The following IGF2BP1 variants were observed in gnomAD, a reference collection of about 807,000 sequenced individuals.
IGF2BP1 encodes insulin like growth factor 2 mRNA binding protein 1.
In IGF2BP1, 11 loss-of-function variants were observed where a neutral mutation model predicts 74.9. The ratio of observed to expected loss-of-function variants is 0.15; its 90% confidence interval spans 0.09 to 0.24. The LOEUF (loss-of-function observed/expected upper bound fraction) is 0.24, where lower values mean the gene tolerates loss of function less well. Ranked by LOEUF, IGF2BP1 falls within the 10% of genes least tolerant of loss-of-function variation. The pLI is 1.00. For missense variants in IGF2BP1, 440 were observed against 757.4 expected, an observed-to-expected ratio of 0.58 and a Z score of 4.92; for synonymous variants, 287 against 281.8, an observed-to-expected ratio of 1.02 and a Z score of -0.18.
chr17:49,003,842 T>C (rs996758461), intron 2 of IGF2BP1, among the ~76,000 whole-genome samples: 1 of 151,514 alleles, frequency 6.6e-6, no homozygotes, highest in African/African-American at 2.4e-5. Context: ...CCGCTTCCCT[T>C]TTAAAGGGGA....
intron 2 of IGF2BP1, among the ~76,000 whole-genome samples, chr17:49,011,166 A>C (rs2041615358): frequency 8.1e-6 from 1 of 123,556 alleles, no homozygotes; most frequent in South Asian, 2.5e-4. Context: ...AAAAAAAAAA[A>C]ACAAACCCTA....
Position 49,055,157 on chromosome 17 carries a change from CA to C in IGF2BP1, c.*5724del, listed in dbSNP as rs374008080. On this transcript the variant is annotated 3_prime_UTR_variant, in exon 15 of 15. Transcript: ENST00000290341. ...AAAATAAAATTAAAAAAAAAAAAAC[CA>C]AAAAAAAAAATTTTTTTTTAAAAGG... is the stretch of plus-strand genomic sequence containing the variant. The C allele has an allele frequency of 0.011, 1,588 of 146,236 alleles. 15 individuals carry two copies. The highest frequency in any genetic ancestry group is 0.014 in the Non-Finnish European group (912 of 66,390). The allele number at this position is 146,236 out of a possible 1,614,324, so 9.1% of individuals were successfully genotyped here.
chr17:49,016,163 C>T (rs920887604), intron 2 of IGF2BP1, among the ~76,000 whole-genome samples: 1 of 152,236 alleles, frequency 6.6e-6, no homozygotes, highest in Non-Finnish European at 1.5e-5. Context: ...TAACACTTGT[C>T]TTCAGAAAGA....
At chr17:49,022,211 C>G (rs898625159) in intron 2 of IGF2BP1, among the ~76,000 whole-genome samples, 3 of 152,164 alleles carry the variant, frequency 2.0e-5, no homozygotes, top group Admixed American at 6.5e-5. Context: ...TGCCCCAGCT[C>G]AGCCTACACC....
intron 10 of IGF2BP1, 45 bp from the exon 11 acceptor site, chr17:49,043,922 C>G: frequency 6.2e-7 from 1 of 1,605,504 alleles, no homozygotes; most frequent in South Asian, 1.1e-5. Flanking sequence ...GTTTCTGGGC[C>G]ATGCTACTTG....
intron 4 of IGF2BP1, among the ~76,000 whole-genome samples, chr17:49,028,038 C>T (rs2041879435): frequency 6.6e-6 from 1 of 151,862 alleles, no homozygotes; most frequent in African/African-American, 2.4e-5. Flanking sequence ...TGGTACATGC[C>T]TGCAGTCCCA....
chr17:49,041,538 G>A (rs771188077), intron 8 of IGF2BP1, 38 bp downstream of exon 8: 24 of 1,612,662 alleles, frequency 1.5e-5, no homozygotes, highest in Non-Finnish European at 2.0e-5. Context: ...ATGAGTGGGG[G>A]ATGCATGGGG....
rs2042183910 is a variant in IGF2BP1 at position 49,052,929 on chromosome 17, C to G, written c.*3485C>G. On this transcript the variant is annotated 3_prime_UTR_variant, in exon 15 of 15. Coordinates refer to ENST00000290341, the MANE Select transcript of IGF2BP1 (RefSeq NM_006546.4). ...AACACATAACCAAAATGGTTTGATT[C>G]ACTGACTGACTTTGAAGCTGCATCT... 6.6e-6 allele frequency: 1 copy of G among 152,212 alleles called. No individual in the cohort carries two copies. Among genetic ancestry groups the G allele is most frequent in the Non-Finnish European group, 1.5e-5 (1 of 68,026 alleles). 9.4% of individuals were successfully genotyped at this position (152,212 alleles called of 1,614,324 possible). A position where few individuals can be genotyped will look rare whatever the true frequency, so the allele number is the denominator to read the frequency against.
At chr17:49,046,846 T>C (rs1304747100) in intron 14 of IGF2BP1, among the ~76,000 whole-genome samples, 1 of 152,112 alleles carries the variant, frequency 6.6e-6, no homozygotes, top group African/African-American at 2.4e-5. Flanking sequence ...TGGTTTCTGC[T>C]CTTCCACCCT....
In IGF2BP1 at chr17:48,997,998, C is replaced by G; in HGVS notation, c.175+78C>G. The G allele has an allele frequency of 6.7e-7, 1 of 1,495,730 alleles. No homozygotes were observed. The highest frequency in any genetic ancestry group is 2.3e-5 in the East Asian group (1 of 43,432). 92.7% of individuals were successfully genotyped at this position (1,495,730 alleles called of 1,614,324 possible). ...GAGACCCGCACCTTCCGGTTCCTCT[C>G]CCGCCAACTCCTCTCTTCCCGGGCC... On this transcript the variant is annotated intron_variant, in intron 1 of 14. Coordinates refer to ENST00000290341, the MANE Select transcript of IGF2BP1 (RefSeq NM_006546.4). This position sits in a 1 kb window ranked among gnomAD's most constrained non-coding sequence, Gnocchi z 4.8.
At chr17:49,030,500 T>G (rs1227935678) in intron 4 of IGF2BP1, among the ~76,000 whole-genome samples, 1 of 152,208 alleles carries the variant, frequency 6.6e-6, no homozygotes, top group Non-Finnish European at 1.5e-5. Flanking sequence ...TACATAGGCC[T>G]CTAGAATGGA....
intron 2 of IGF2BP1, among the ~76,000 whole-genome samples, chr17:49,008,692 G>A (rs2041580186): frequency 6.6e-6 from 1 of 152,134 alleles, no homozygotes; most frequent in Non-Finnish European, 1.5e-5. Flanking sequence ...AAGCCCCATG[G>A]TTAGCAACTG....
intron 5 of IGF2BP1, among the ~76,000 whole-genome samples, chr17:49,035,468 T>G (rs1440457401): frequency 6.6e-6 from 1 of 152,254 alleles, no homozygotes; most frequent in Non-Finnish European, 1.5e-5. Context: ...CCTAATTCAG[T>G]TATCTTTGCC....
In IGF2BP1 at chr17:49,055,424, G is replaced by T. The variant is rs1285587401; in HGVS notation, c.*5980G>T. On this transcript the variant is annotated 3_prime_UTR_variant, in exon 15 of 15. Transcript: ENST00000290341. ...CTCCCCTCCCAGCCAGCTGACTTCA[G>T]TCACCCCTGTCCCCCCTCCCCTGCC... 5.3e-6 allele frequency: 2 copies of T among 375,134 alleles called. No homozygotes were observed. The highest frequency in any genetic ancestry group is 4.2e-5 in the African/African-American group (2 of 47,934). The allele number at this position is 375,134 out of a possible 1,614,324, so 23.2% of individuals were successfully genotyped here.
At chr17:49,045,658 TACTCATA>T (rs2042101084) in intron 12 of IGF2BP1, among the ~76,000 whole-genome samples, 1 of 152,202 alleles carries the variant, frequency 6.6e-6, no homozygotes, top group South Asian at 2.1e-4. Context: ...TTTATTCAAT[TACTCATA>T]ACTCATAATC....
At chr17:48,998,900 A>G (rs1334664364) in intron 1 of IGF2BP1, among the ~76,000 whole-genome samples, 1 of 152,118 alleles carries the variant, frequency 6.6e-6, no homozygotes, top group Non-Finnish European at 1.5e-5. Context: ...TAAAGCAAAA[A>G]TTAAAAAATG....
chr17:49,008,225 A>C (rs919081159), intron 2 of IGF2BP1, among the ~76,000 whole-genome samples: 13 of 152,098 alleles, frequency 8.5e-5, no homozygotes, highest in African/African-American at 3.1e-4. Context: ...TTCTTCACAG[A>C]GAGATATGGC....
rs2042195023 is a variant in IGF2BP1 at position 49,053,830 on chromosome 17, TC to T, written c.*4390del. 1 of 152,628 alleles carries T rather than the reference TC, an allele frequency of 6.6e-6. No homozygotes were observed. The highest frequency in any genetic ancestry group is 1.5e-5 in the Non-Finnish European group (1 of 68,052). The allele number at this position is 152,628 out of a possible 1,614,324, so 9.5% of individuals were successfully genotyped here. A position where few individuals can be genotyped will look rare whatever the true frequency, so the allele number is the denominator to read the frequency against. On this transcript the variant is annotated 3_prime_UTR_variant, in exon 15 of 15. Coordinates refer to ENST00000290341, the MANE Select transcript of IGF2BP1 (RefSeq NM_006546.4). ...TCAGGGGTGGGGGTTCTCCTTTCTT[TC>T]CCCTGAAGTGTTTATGGGGAGATCC...
intron 2 of IGF2BP1, among the ~76,000 whole-genome samples, chr17:49,014,421 C>T (rs1216610164): frequency 6.6e-6 from 1 of 151,760 alleles, no homozygotes; most frequent in African/African-American, 2.4e-5. Flanking sequence ...CTTGGCCGTC[C>T]CCTCCTCCTG....
Sources: gnomAD v4.1 joint callset for allele counts (sites outside exome capture counted in the v4.1 genomes callset) on GRCh38, gnomAD v4.1.1 for gene constraint, Gnocchi (gnomAD v3.1) non-coding constraint, MANE v1.5 for transcripts, NCBI Gene and HGNC (gene_info 2026-07-23, HGNC 2026-07-21) for gene names.